The following COL25A1 variants were observed in gnomAD, a reference collection of about 807,000 sequenced individuals.
The protein encoded by COL25A1 is collagen type XXV alpha 1 chain.
A neutral mutation model predicts 128.4 loss-of-function variants in COL25A1; 103 were observed. The observed-to-expected ratio is 0.80, with a 90% CI of 0.68 to 0.94. The LOEUF (loss-of-function observed/expected upper bound fraction) is 0.94, where lower values mean the gene tolerates loss of function less well. Ranked by LOEUF, COL25A1 falls within the 40% of genes least tolerant of loss-of-function variation. The pLI is 0.00. For missense variants in COL25A1, 745 were observed against 840.0 expected (o/e 0.89, Z 1.40); for synonymous variants, 279 against 277.2 (o/e 1.01, Z -0.06).
intron 3 of COL25A1, among the ~76,000 whole-genome samples, chr4:109,154,944 G>T (rs967913228): frequency 1.3e-5 from 2 of 152,102 alleles, no homozygotes; most frequent in African/African-American, 4.8e-5. Flanking sequence ...TAGCAAGGGG[G>T]AAAATGATCA....
In COL25A1 at chr4:108,869,069, A is replaced by T. The variant is rs1256351891; in HGVS notation, c.1083+19T>A. Reference sequence around the variant, plus strand: ...AGAAAGAAAAAGAAAGAAAGAAGGAAAGAAAGAGGCCCACTTACTTTTGTT... The same window carrying T: ...AGAAAGAAAAAGAAAGAAAGAAGGATAGAAAGAGGCCCACTTACTTTTGTT... On this transcript the variant is annotated intron_variant, in intron 20 of 37. Transcript: ENST00000399132. 6.6e-7 allele frequency: 1 copy of T among 1,515,956 alleles called. No individual in the cohort carries two copies. 93.9% of individuals were successfully genotyped at this position (1,515,956 alleles called of 1,614,324 possible). A position where few individuals can be genotyped will look rare whatever the true frequency, so the allele number is the denominator to read the frequency against.
chr4:108,869,221 T>TAAATAAAA (rs1260885586), intron 19 of COL25A1, 71 bp from the exon 20 acceptor site: 4 of 302,566 alleles, frequency 1.3e-5, no homozygotes, highest in South Asian at 1.2e-4. Context: ...AATAAATAAA[T>TAAATAAAA]AAAAACTAAA....
chr4:108,904,062 T>C (rs1051377741), intron 13 of COL25A1, among the ~76,000 whole-genome samples: 1 of 152,052 alleles, frequency 6.6e-6, no homozygotes, highest in Non-Finnish European at 1.5e-5. Context: ...CTACAGAGCA[T>C]TCTGTTACTG....
chr4:109,032,693 A>G (rs1462980473), intron 5 of COL25A1, among the ~76,000 whole-genome samples: 1 of 152,254 alleles, frequency 6.6e-6, no homozygotes, highest in African/African-American at 2.4e-5. Context: ...CTTTTATAGC[A>G]TAGATGTTCT....
rs72885202 is a variant in COL25A1, at chr4:109,107,297, G to T, written c.368-57118C>A. ...AAAATATATTCTAGGTTTCTAAATGGACTTCTCATTGAAGGTCCTCAGGAG... is the reference window on the plus strand; with the variant it reads ...AAAATATATTCTAGGTTTCTAAATGTACTTCTCATTGAAGGTCCTCAGGAG... On this transcript the variant is annotated intron_variant, in intron 3 of 37. Transcript: ENST00000399132. Among the ~76,000 whole-genome samples, 282 of 152,072 alleles carry T rather than the reference G, an allele frequency of 1.9e-3. 2 individuals carry two copies. Among genetic ancestry groups the T allele is most frequent in the African/African-American group, 6.6e-3 (273 of 41,484 alleles).
chr4:109,257,081 C>A (rs1303846632), intron 3 of COL25A1, among the ~76,000 whole-genome samples: 1 of 152,164 alleles, frequency 6.6e-6, no homozygotes, highest in Non-Finnish European at 1.5e-5. Context: ...TCTGTTCAAT[C>A]AAATGAAATT....
intron 8 of COL25A1, among the ~76,000 whole-genome samples, chr4:108,948,359 G>T (rs1749018589): frequency 6.6e-6 from 1 of 152,096 alleles, no homozygotes; most frequent in South Asian, 2.1e-4. Context: ...GAAATCAGAA[G>T]TTATAACTGA....
intron 13 of COL25A1, among the ~76,000 whole-genome samples, chr4:108,916,085 T>A (rs1744841473): frequency 6.6e-6 from 1 of 152,222 alleles, no homozygotes. Context: ...TTTTACACTT[T>A]CTTTTCCTAA....
intron 3 of COL25A1, among the ~76,000 whole-genome samples, chr4:109,237,707 G>A (rs1218097450): frequency 1.4e-5 from 2 of 147,284 alleles, no homozygotes; most frequent in African/African-American, 2.5e-5. Context: ...ATTTTTAATT[G>A]TACAGTTCAG....
rs1731826952 is a variant in COL25A1 at position 108,822,043 on chromosome 4, A to ATTTTTTTTTTTTTTGTTTTTTTT, written c.1845+2130_1845+2131insAAAAAAAACAAAAAAAAAAAAAA. ...AAACGTGAGTATCCTCCTAATGGTA[A>ATTTTTTTTTTTTTTGTTTTTTTT]TTTTTTTTTTTTTTTTTGGGACAGG... is the stretch of plus-strand genomic sequence containing the variant. On this transcript the variant is annotated intron_variant, in intron 35 of 37. Transcript: ENST00000399132. Among the ~76,000 whole-genome samples, 2 of 89,964 alleles carry ATTTTTTTTTTTTTTGTTTTTTTT rather than the reference A, an allele frequency of 2.2e-5. 1 individual carries two copies. Among genetic ancestry groups the ATTTTTTTTTTTTTTGTTTTTTTT allele is most frequent in the Non-Finnish European group, 4.3e-5 (2 of 46,852 alleles). 59.0% of individuals were successfully genotyped at this position (89,964 alleles called of 152,430 possible).
chr4:109,201,765 C>T (rs1776573410), intron 3 of COL25A1, among the ~76,000 whole-genome samples: 1 of 152,090 alleles, frequency 6.6e-6, no homozygotes, highest in African/African-American at 2.4e-5. Context: ...ACTCCTGGAA[C>T]TAATAAGCAA....
intron 18 of COL25A1, among the ~76,000 whole-genome samples, chr4:108,886,445 TG>T (rs1740785084): frequency 2.7e-4 from 3 of 11,094 alleles, no homozygotes; most frequent in Admixed American, 1.2e-3. Flanking sequence ...TGAGATTTTG[TG>T]TGTGTGTGTG....
At chr4:109,048,058 G>C in intron 5 of COL25A1, 110 bp downstream of exon 5, 1 of 1,252,608 alleles carries the variant, frequency 8.0e-7, no homozygotes, top group Non-Finnish European at 1.2e-6. Context: ...TAAAAGGTCA[G>C]TAACATTTTT....
intron 3 of COL25A1, among the ~76,000 whole-genome samples, chr4:109,268,946 T>G (rs910573084): frequency 3.3e-5 from 5 of 152,086 alleles, no homozygotes; most frequent in African/African-American, 1.2e-4. Context: ...CTTTTTTTTT[T>G]TATACTTTAA....
At chr4:109,288,482 T>C (rs11946699) in intron 3 of COL25A1, among the ~76,000 whole-genome samples, 2,798 of 152,250 alleles carry the variant, frequency 0.018, 91 homozygotes, top group African/African-American at 0.064. Flanking sequence ...CCCTTTGTTA[T>C]CTTACTTTTC....
chr4:109,030,083 T>C (rs1427996951), intron 5 of COL25A1, among the ~76,000 whole-genome samples: 2 of 152,068 alleles, frequency 1.3e-5, no homozygotes, highest in African/African-American at 4.8e-5. Flanking sequence ...TTCCTCAGGA[T>C]GAAAATAAAT....
chr4:109,121,492 A>G (rs539710153), intron 3 of COL25A1, among the ~76,000 whole-genome samples: 1 of 152,238 alleles, frequency 6.6e-6, no homozygotes, highest in South Asian at 2.1e-4. Context: ...TCACCAAAGA[A>G]AATAAACAGA....
chr4:109,298,664 C>T (rs188252787), intron 3 of COL25A1, among the ~76,000 whole-genome samples: 1 of 152,330 alleles, frequency 6.6e-6, no homozygotes, highest in Admixed American at 6.5e-5. Context: ...TTATTTTCAA[C>T]GTAATGTCCT....
intron 6 of COL25A1, among the ~76,000 whole-genome samples, chr4:108,992,594 T>C (rs1754329620): frequency 6.6e-6 from 1 of 152,106 alleles, no homozygotes; most frequent in Non-Finnish European, 1.5e-5. Flanking sequence ...TAACATAACA[T>C]AAGTATGGCC....
Sources: gnomAD v4.1 joint callset for allele counts (sites outside exome capture counted in the v4.1 genomes callset) on GRCh38, gnomAD v4.1.1 for gene constraint, MANE v1.5 for transcripts, NCBI Gene and HGNC (gene_info 2026-07-23, HGNC 2026-07-21) for gene names.